SLIT3: variants seen among roughly 807,000 people sequenced by gnomAD.
SLIT3 encodes the protein slit homolog 3 protein.
Under a neutral mutation model 184.0 loss-of-function variants are expected in SLIT3, and 68 were observed. That is an observed-to-expected ratio of 0.37 (90% confidence interval 0.30 to 0.45). SLIT3 has a LOEUF of 0.45. Ranked by LOEUF, SLIT3 falls within the 20% of genes least tolerant of loss-of-function variation. SLIT3 has a pLI of 1.00. For synonymous variants in SLIT3, 831 were observed against 828.6 expected, an observed-to-expected ratio of 1.00 and a Z score of -0.05; for missense variants, 1,707 against 2,026.0, an observed-to-expected ratio of 0.84 and a Z score of 3.02.
At chr5:168,977,409 T>C (rs1388552243) in intron 4 of SLIT3, among the ~76,000 whole-genome samples, 1 of 152,338 alleles carries the variant, frequency 6.6e-6, no homozygotes, top group East Asian at 1.9e-4. Flanking sequence ...CTTCATCTTC[T>C]TTGGGTAAAA....
intron 4 of SLIT3, chr5:169,013,007 G>A (rs1414993486): frequency 6.6e-6 from 1 of 152,232 alleles, no homozygotes; most frequent in African/African-American, 2.4e-5. Flanking sequence ...GCTTAATCCA[G>A]TGTCTAGCAC....
chr5:168,719,864 T>C (rs1346435895), intron 23 of SLIT3: 1 of 152,202 alleles, frequency 6.6e-6, no homozygotes, highest in Non-Finnish European at 1.5e-5. Context: ...TCCCTTTTTA[T>C]GCACAAGATC....
rs141371333 is a variant in SLIT3 at position 169,110,222 on chromosome 5, G to T, written c.413+83257C>A. On this transcript the variant is annotated intron_variant, in intron 4 of 35. Transcript: ENST00000519560. ...CTGTGGCTACTTTCATGTTATAACT[G>T]CATGGTTGAGTATGGCCCCAAAGCC... is the stretch of plus-strand genomic sequence containing the variant. 1.3e-5 allele frequency among the ~76,000 whole-genome samples: 2 copies of T among 152,302 alleles called. 1 individual carries two copies. The highest frequency in any genetic ancestry group is 2.9e-5 in the Non-Finnish European group (2 of 68,024).
At chr5:168,724,698 T>A (rs779771909) in intron 20 of SLIT3, among the ~76,000 whole-genome samples, 17 of 152,216 alleles carry the variant, frequency 1.1e-4, no homozygotes, top group Non-Finnish European at 2.2e-4. Context: ...GACTTATACA[T>A]TTCATGTTGG....
At chr5:169,260,348 C>T (rs1465979616) in intron 1 of SLIT3, among the ~76,000 whole-genome samples, 1 of 152,112 alleles carries the variant, frequency 6.6e-6, no homozygotes, top group Non-Finnish European at 1.5e-5. Flanking sequence ...ACGCTTTCCA[C>T]CTGAATGGGC....
chr5:169,077,398 G>C (rs970603857), intron 4 of SLIT3, among the ~76,000 whole-genome samples: 3 of 151,954 alleles, frequency 2.0e-5, no homozygotes, highest in Admixed American at 6.6e-5. Context: ...AATTAGCCTG[G>C]TGCAGTGGCT....
rs533830444 is a variant in SLIT3, at chr5:168,881,922, T to A, written c.485+1343A>T. On this transcript the variant is annotated intron_variant, in intron 5 of 35. Coordinates refer to ENST00000519560, the MANE Select transcript of SLIT3 (RefSeq NM_003062.4). ...CTCTCCTGCTCTTGGGAAAACACCC[T>A]CAGAAGCAGCAGCAGGCGGCCTCCT... Among the ~76,000 whole-genome samples the A allele has an allele frequency of 3.9e-5, 6 of 152,266 alleles. No homozygotes were observed. The South Asian group carries it at 1.2e-3, about 32-fold the overall frequency.
intron 6 of SLIT3, among the ~76,000 whole-genome samples, chr5:168,825,667 T>C (rs1757675063): frequency 6.6e-6 from 1 of 152,196 alleles, no homozygotes; most frequent in South Asian, 2.1e-4. Context: ...TGTGTGTGTG[T>C]ATGTGGGGAG....
intron 25 of SLIT3, among the ~76,000 whole-genome samples, chr5:168,709,601 G>A (rs892146486): frequency 5.3e-5 from 8 of 152,204 alleles, no homozygotes; most frequent in African/African-American, 1.9e-4. Context: ...AGCAGGAGGA[G>A]GAAAATTAAA....
At chr5:169,136,096 C>A (rs1301665377) in intron 4 of SLIT3, among the ~76,000 whole-genome samples, 1 of 152,202 alleles carries the variant, frequency 6.6e-6, no homozygotes, top group Non-Finnish European at 1.5e-5. Context: ...AAAGTTGTTT[C>A]TCTCTTTTCC....
intron 4 of SLIT3, among the ~76,000 whole-genome samples, chr5:169,002,053 C>T (rs1755721147): frequency 1.3e-5 from 2 of 151,858 alleles, no homozygotes; most frequent in Admixed American, 6.6e-5. Flanking sequence ...GTGGTTCACT[C>T]CTGTAATCAC....
At position 169,095,087 on chromosome 5, in the gene SLIT3, G is replaced by C. The variant is rs180790923; in HGVS notation, c.413+98392C>G. 1.8e-4 allele frequency among the ~76,000 whole-genome samples: 28 copies of C among 152,274 alleles called. No individual in the cohort carries two copies. The East Asian group carries it at 5.0e-3, about 27-fold the overall frequency. On this transcript the variant is annotated intron_variant, in intron 4 of 35. Coordinates refer to ENST00000519560, the MANE Select transcript of SLIT3 (RefSeq NM_003062.4). ...AGACATGAAGTTTGAAAATAATCTC[G>C]GTAGTTTTGAAACTTTATCTCCCTG...
intron 1 of SLIT3, among the ~76,000 whole-genome samples, chr5:169,295,079 T>C (rs1767460496): frequency 6.6e-6 from 1 of 152,212 alleles, no homozygotes; most frequent in Admixed American, 6.5e-5. Context: ...TACTGTAGAC[T>C]TTGTCAACAC....
intron 4 of SLIT3, among the ~76,000 whole-genome samples, chr5:168,960,000 G>A (rs1762951524): frequency 1.3e-5 from 2 of 152,218 alleles, no homozygotes; most frequent in African/African-American, 2.4e-5. Context: ...GTAAGAGGCA[G>A]AGCCAGGAAT....
rs768244787 is a variant in SLIT3, at chr5:168,795,587, C to A, written c.936-9G>T. On this transcript the variant is annotated splice_polypyrimidine_tract_variant and intron_variant, in intron 9 of 35. Transcript: ENST00000519560. ...AGTTCTGTTCTAGGCGTCTGGGAAACAGAGCAGAGAAGAGTGAATTAACCA... is the reference window on the plus strand; with the variant it reads ...AGTTCTGTTCTAGGCGTCTGGGAAAAAGAGCAGAGAAGAGTGAATTAACCA... The A allele has an allele frequency of 1.9e-6, 3 of 1,610,922 alleles. No individual in the cohort carries two copies. The Admixed American group carries it at 5.0e-5, about 27-fold the overall frequency.
intron 4 of SLIT3, among the ~76,000 whole-genome samples, chr5:169,155,719 A>G (rs1200937576): frequency 2.0e-5 from 3 of 152,234 alleles, no homozygotes; most frequent in African/African-American, 7.2e-5. Flanking sequence ...GATCTGACTA[A>G]GGCATAGCCC....
At chr5:168,976,184 C>G (rs1485336852) in intron 4 of SLIT3, among the ~76,000 whole-genome samples, 1 of 152,176 alleles carries the variant, frequency 6.6e-6, no homozygotes, top group African/African-American at 2.4e-5. Context: ...GGGAGGGAAA[C>G]TGAGGCTCAG....
chr5:168,880,313 G>A (rs1379485974), intron 5 of SLIT3, among the ~76,000 whole-genome samples: 1 of 152,134 alleles, frequency 6.6e-6, no homozygotes, highest in African/African-American at 2.4e-5. Context: ...TACATCTAAA[G>A]CCCATGCTCC....
intron 3 of SLIT3, among the ~76,000 whole-genome samples, chr5:169,198,064 CCATCTACCCAAGCATTCACT>C (rs1363169634): frequency 3.9e-5 from 6 of 152,202 alleles, no homozygotes; most frequent in African/African-American, 1.4e-4. Context: ...ATCAACCAAC[CCATCTACCCAAGCATTCACT>C]CATCCGTCCA....
Sources: gnomAD v4.1 joint callset for allele counts (sites outside exome capture counted in the v4.1 genomes callset) on GRCh38, gnomAD v4.1.1 for gene constraint, MANE v1.5 for transcripts, NCBI Gene and HGNC (gene_info 2026-07-23, HGNC 2026-07-21) for gene names.